VAMP7: variants seen among roughly 807,000 people sequenced by gnomAD.
The protein encoded by VAMP7 is vesicle-associated membrane protein 7.
Under a neutral mutation model 29.6 loss-of-function variants are expected in VAMP7, and 14 were observed. The ratio of observed to expected loss-of-function variants is 0.47; its 90% CI spans 0.31 to 0.74. VAMP7 has a LOEUF of 0.74. Among genes scored for constraint, VAMP7 ranks in the 30% least tolerant of loss-of-function variants. The pLI, the probability that VAMP7 is intolerant of heterozygous loss-of-function variation, is 0.05. For missense variants in VAMP7, 223 were observed against 262.4 expected (o/e 0.85, Z 1.04); for synonymous variants, 95 against 88.1 (o/e 1.08, Z -0.44).
intron 6 of VAMP7, among the ~76,000 whole-genome samples, chrX:155,933,784 G>T (rs1169328506): frequency 6.6e-6 from 1 of 152,028 alleles, no homozygotes; most frequent in African/African-American, 2.4e-5. Context: ...TCTTTTAATT[G>T]TGATGTTAGG....
At chrX:155,911,458 T>G (rs1191977457) in intron 5 of VAMP7, among the ~76,000 whole-genome samples, 2 of 152,230 alleles carry the variant, frequency 1.3e-5, no homozygotes, top group South Asian at 4.2e-4. Flanking sequence ...GAAATACTAA[T>G]TTTAGGATTG....
At chrX:155,922,270 A>T (rs2066407206) in intron 6 of VAMP7, among the ~76,000 whole-genome samples, 2 of 151,986 alleles carry the variant, frequency 1.3e-5, no homozygotes, top group Admixed American at 1.3e-4. Context: ...ACTGAATACA[A>T]GTGATAACAG....
chrX:155,907,699 C>T (rs1318969860), intron 5 of VAMP7, among the ~76,000 whole-genome samples: 6 of 152,088 alleles, frequency 3.9e-5, no homozygotes, highest in East Asian at 1.9e-4. Context: ...AGCAACCATC[C>T]GATTTCTCAA....
intron 7 of VAMP7, among the ~76,000 whole-genome samples, 194 bp downstream of exon 7, chrX:155,939,987 A>T (rs2066720074): frequency 6.6e-6 from 1 of 151,630 alleles, no homozygotes; most frequent in East Asian, 1.9e-4. Context: ...CTTCCTATTG[A>T]GAATTATTAT....
At chrX:155,901,392 C>T (rs1037597029) in intron 5 of VAMP7, among the ~76,000 whole-genome samples, 4 of 151,618 alleles carry the variant, frequency 2.6e-5, no homozygotes, top group South Asian at 4.2e-4. Context: ...TTATTTTGCC[C>T]GAAAGTGGAG....
chrX:155,928,223 C>T lies in VAMP7; in HGVS notation c.501+8343C>T, dbSNP rs748893758. On this transcript the variant is annotated intron_variant, in intron 6 of 7. Coordinates refer to ENST00000286448, the MANE Select transcript of VAMP7 (RefSeq NM_005638.6). Reference sequence around the variant, plus strand: ...CAGGCATGAGCCACCACACCTGGCCCCCTTTGGCTGGTTTTAAGAGTGTCT... The same window carrying T: ...CAGGCATGAGCCACCACACCTGGCCTCCTTTGGCTGGTTTTAAGAGTGTCT... Among the ~76,000 whole-genome samples the T allele has an allele frequency of 1.1e-3, 160 of 152,254 alleles. 2 individuals carry two copies. The highest frequency in any genetic ancestry group is 3.6e-3 in the African/African-American group (148 of 41,562).
chrX:155,931,122 T>G (rs1194559569), intron 6 of VAMP7, among the ~76,000 whole-genome samples: 1 of 152,184 alleles, frequency 6.6e-6, no homozygotes, highest in Non-Finnish European at 1.5e-5. Flanking sequence ...GTTGGACATT[T>G]GGGTTGGTTC....
chrX:155,886,911 C>T (rs2376579), intron 1 of VAMP7, among the ~76,000 whole-genome samples: 152,325 of 152,326 alleles, frequency 1, 76,162 homozygotes, highest in Non-Finnish European at 1. Flanking sequence ...GGTCAAGTTT[C>T]CTTCTGAACC....
intron 2 of VAMP7, among the ~76,000 whole-genome samples, chrX:155,894,638 C>T (rs1399227593): frequency 6.6e-6 from 1 of 151,864 alleles, no homozygotes; most frequent in African/African-American, 2.4e-5. Flanking sequence ...TTTTTTGAAA[C>T]AAGGTCTCAC....
intron 5 of VAMP7, among the ~76,000 whole-genome samples, chrX:155,902,853 G>A (rs1323921415): frequency 3.3e-5 from 5 of 150,830 alleles, no homozygotes; most frequent in East Asian, 1.9e-4. Context: ...GTCTCTGCCC[G>A]GCTTTGGTAT....
chrX:155,923,889 G>A (rs1026841859), intron 6 of VAMP7, among the ~76,000 whole-genome samples: 12 of 151,904 alleles, frequency 7.9e-5, no homozygotes, highest in African/African-American at 2.2e-4. Context: ...TCTGCAGTTC[G>A]CAATCTGCTG....
At chrX:155,915,417 G>C (rs1344447604) in intron 5 of VAMP7, among the ~76,000 whole-genome samples, 1 of 152,008 alleles carries the variant, frequency 6.6e-6, no homozygotes, top group African/African-American at 2.4e-5. Flanking sequence ...CTTTGAATTT[G>C]TTTGCTCTTG....
At chrX:155,924,843 ACTT>A (rs1441693710) in intron 6 of VAMP7, among the ~76,000 whole-genome samples, 3 of 152,310 alleles carry the variant, frequency 2.0e-5, no homozygotes, top group African/African-American at 7.2e-5. Context: ...TGGCAATAGA[ACTT>A]CTTTCAAAAT....
At chrX:155,938,141 T>C (rs1306026464) in intron 6 of VAMP7, among the ~76,000 whole-genome samples, 2 of 152,346 alleles carry the variant, frequency 1.3e-5, no homozygotes, top group East Asian at 1.9e-4. Flanking sequence ...ATTACTGTTA[T>C]TCTATCTTGT....
chrX:155,895,563 A>G (rs1256649915), intron 2 of VAMP7, 60 bp from the exon 3 acceptor site: 13 of 1,279,822 alleles, frequency 1.0e-5, no homozygotes, highest in Non-Finnish European at 1.5e-5. Flanking sequence ...TAGATAGAAG[A>G]TAGAAGTAAA....
intron 6 of VAMP7, among the ~76,000 whole-genome samples, chrX:155,934,147 G>T (rs1271433802): frequency 6.6e-6 from 1 of 152,148 alleles, no homozygotes. Context: ...GAATAAGTGC[G>T]ATGTGGTGCT....
intron 6 of VAMP7, among the ~76,000 whole-genome samples, chrX:155,936,410 C>G (rs1276725587): frequency 6.6e-6 from 1 of 152,082 alleles, no homozygotes; most frequent in Non-Finnish European, 1.5e-5. Flanking sequence ...GGGCGCCTCT[C>G]CTCCAGCCTC....
chrX:155,923,612 C>G (rs1192172902), intron 6 of VAMP7, among the ~76,000 whole-genome samples: 2 of 151,494 alleles, frequency 1.3e-5, no homozygotes, highest in Non-Finnish European at 2.9e-5. Flanking sequence ...AAGATTTTCT[C>G]TTTATCATTG....
chrX:155,932,333 T>C (rs970107805), intron 6 of VAMP7, among the ~76,000 whole-genome samples: 2 of 152,178 alleles, frequency 1.3e-5, no homozygotes, highest in Admixed American at 6.5e-5. Flanking sequence ...ATTCTTCCTA[T>C]CCATGAGCAT....
Sources: gnomAD v4.1 joint callset for allele counts (sites outside exome capture counted in the v4.1 genomes callset) on GRCh38, gnomAD v4.1.1 for gene constraint, MANE v1.5 for transcripts, NCBI Gene and HGNC (gene_info 2026-07-23, HGNC 2026-07-21) for gene names.